Variants in IMMP2L observed in about 807,000 individuals in gnomAD.
IMMP2L encodes the protein inner mitochondrial membrane peptidase subunit 2.
Under a neutral mutation model 19.3 loss-of-function variants are expected in IMMP2L, and 18 were observed. The observed-to-expected ratio is 0.93, with a 90% CI of 0.64 to 1.38. The LOEUF (loss-of-function observed/expected upper bound fraction) is 1.38. Among genes scored for constraint, IMMP2L ranks in the 40% most tolerant of loss-of-function variants. The pLI is 0.00. For synonymous variants in IMMP2L, 76 were observed against 73.0 expected (o/e 1.04, Z -0.21); for missense variants, 233 against 218.2 (o/e 1.07, Z -0.43).
intron 5 of IMMP2L, among the ~76,000 whole-genome samples, chr7:110,721,176 C>T (rs573609736): frequency 6.6e-6 from 1 of 152,050 alleles, no homozygotes; most frequent in South Asian, 2.1e-4. Flanking sequence ...TGGACAGACA[C>T]TGACCCATTC....
chr7:110,891,223 T>G (rs999392754), intron 4 of IMMP2L, among the ~76,000 whole-genome samples: 1 of 147,638 alleles, frequency 6.8e-6, no homozygotes, highest in African/African-American at 2.5e-5. Flanking sequence ...TTATCATTGT[T>G]AACAGATAGA....
chr7:111,021,410 G>A (rs868091821), intron 3 of IMMP2L, among the ~76,000 whole-genome samples: 22 of 152,250 alleles, frequency 1.4e-4, no homozygotes, highest in African/African-American at 1.9e-4. Context: ...CTGTTCTCAC[G>A]CTGCTAATAA....
At chr7:111,481,508 T>C (rs1442884407) in intron 3 of IMMP2L, among the ~76,000 whole-genome samples, 6 of 152,134 alleles carry the variant, frequency 3.9e-5, no homozygotes, top group Non-Finnish European at 8.8e-5. Flanking sequence ...TGGTTTTTCT[T>C]AATAAGAATC....
chr7:110,896,688 G>A (rs934666321), intron 4 of IMMP2L, among the ~76,000 whole-genome samples: 4 of 152,008 alleles, frequency 2.6e-5, no homozygotes, highest in African/African-American at 9.7e-5. Flanking sequence ...TATTGCATTT[G>A]TTTAGAAAAT....
chr7:110,668,426 T>C (rs2130293676), intron 5 of IMMP2L, among the ~76,000 whole-genome samples: 1 of 152,322 alleles, frequency 6.6e-6, no homozygotes, highest in East Asian at 1.9e-4. Flanking sequence ...TAAAATTTGA[T>C]AGCTGCTACT....
At chr7:110,931,561 C>A (rs1191838172) in intron 4 of IMMP2L, among the ~76,000 whole-genome samples, 1 of 152,158 alleles carries the variant, frequency 6.6e-6, no homozygotes, top group Non-Finnish European at 1.5e-5. Flanking sequence ...TTCTTCAGAG[C>A]ATATCCAGAC....
chr7:111,491,944 A>G (rs1189072126), intron 2 of IMMP2L, among the ~76,000 whole-genome samples: 6 of 151,424 alleles, frequency 4.0e-5, no homozygotes, highest in Admixed American at 1.3e-4. Context: ...AAGGTGATTT[A>G]ATTATTTCTG....
chr7:110,985,047 A>G (rs1291731398), intron 3 of IMMP2L, among the ~76,000 whole-genome samples: 1 of 152,072 alleles, frequency 6.6e-6, no homozygotes, highest in African/African-American at 2.4e-5. Flanking sequence ...AGTGTTAGAG[A>G]GATGTTTTGT....
At chr7:110,914,910 A>G (rs1187601283) in intron 4 of IMMP2L, among the ~76,000 whole-genome samples, 1 of 152,156 alleles carries the variant, frequency 6.6e-6, no homozygotes, top group African/African-American at 2.4e-5. Context: ...CCTCATACCT[A>G]TTAGGACGAC....
At chr7:110,670,163 G>C (rs1382182537) in intron 5 of IMMP2L, among the ~76,000 whole-genome samples, 2 of 152,140 alleles carry the variant, frequency 1.3e-5, no homozygotes, top group Non-Finnish European at 2.9e-5. Flanking sequence ...ATGACACACA[G>C]AGAAACACCA....
chr7:111,063,490 A>C (rs1172525037), intron 3 of IMMP2L, among the ~76,000 whole-genome samples: 1 of 152,148 alleles, frequency 6.6e-6, no homozygotes, highest in Non-Finnish European at 1.5e-5. Flanking sequence ...TTGGCTCCTC[A>C]CTACTTACGC....
chr7:110,987,067 GACAGGATAA>G (rs1821936880), intron 3 of IMMP2L, among the ~76,000 whole-genome samples: 1 of 152,084 alleles, frequency 6.6e-6, no homozygotes. Flanking sequence ...CTAGTGGATA[GACAGGATAA>G]ACTTAGAATA....
rs77432972 is a variant in IMMP2L at position 111,061,856 on chromosome 7, T to C, written c.240-98291A>G. The stretch of plus-strand genomic sequence containing the variant: ...TCCATTAAAATCTATGTTCTTCTTC[T>C]TTACTTACAGGAGTCTAGCTGCATG... On this transcript the variant is annotated intron_variant, in intron 3 of 5. Coordinates refer to ENST00000405709, the MANE Select transcript of IMMP2L (RefSeq NM_032549.4). Among the ~76,000 whole-genome samples, 88 of 152,342 alleles carry C rather than the reference T, an allele frequency of 5.8e-4. 1 individual carries two copies. The highest frequency in any genetic ancestry group is 2.0e-3 in the African/African-American group (85 of 41,582).
At chr7:111,517,088 T>C (rs997516041) in intron 2 of IMMP2L, among the ~76,000 whole-genome samples, 1 of 151,708 alleles carries the variant, frequency 6.6e-6, no homozygotes, top group African/African-American at 2.4e-5. Context: ...TGTTGAGTAT[T>C]ATTAAGCTGA....
chr7:111,155,665 T>A (rs1429949428), intron 3 of IMMP2L, among the ~76,000 whole-genome samples: 3 of 151,908 alleles, frequency 2.0e-5, no homozygotes, highest in Non-Finnish European at 4.4e-5. Flanking sequence ...GAAATTTATA[T>A]GCAATTATAT....
At position 110,769,838 on chromosome 7, in the gene IMMP2L, A is replaced by T. The variant is rs1798921871; in HGVS notation, c.409-106117T>A. ...GTGAAGTCAGCCCCGGATTTGAATC[A>T]ATTTCTTCTACTGTATCTCCTGCTG... On this transcript the variant is annotated intron_variant, in intron 5 of 5. Transcript: ENST00000405709. Among the ~76,000 whole-genome samples the T allele has an allele frequency of 2.0e-5, 3 of 152,260 alleles. 1 individual carries two copies. The South Asian group carries it at 6.2e-4, about 32-fold the overall frequency.
intron 3 of IMMP2L, among the ~76,000 whole-genome samples, chr7:111,287,238 A>C (rs1353695583): frequency 6.6e-6 from 1 of 152,232 alleles, no homozygotes; most frequent in Admixed American, 6.5e-5. Context: ...AAAAATAAGA[A>C]GGAGCATATA....
intron 3 of IMMP2L, among the ~76,000 whole-genome samples, chr7:111,117,364 A>C (rs867754863): frequency 4.6e-5 from 7 of 152,096 alleles, no homozygotes; most frequent in Non-Finnish European, 8.8e-5. Flanking sequence ...TCTGAGGTAC[A>C]AGAAAGTGAG....
intron 3 of IMMP2L, among the ~76,000 whole-genome samples, chr7:111,078,928 C>T (rs1198291122): frequency 6.6e-6 from 1 of 151,982 alleles, no homozygotes; most frequent in African/African-American, 2.4e-5. Context: ...CGGGGTTTCA[C>T]CATGTTGGCC....
Sources: gnomAD v4.1 joint callset for allele counts (sites outside exome capture counted in the v4.1 genomes callset) on GRCh38, gnomAD v4.1.1 for gene constraint, MANE v1.5 for transcripts, NCBI Gene and HGNC (gene_info 2026-07-23, HGNC 2026-07-21) for gene names.